The following GID4 variants were observed in gnomAD, a reference collection of about 807,000 sequenced individuals.
GID4 encodes glucose-induced degradation protein 4 homolog.
Under a neutral mutation model 32.4 loss-of-function variants are expected in GID4, and 7 were observed. That is an observed-to-expected ratio of 0.22 (90% CI 0.12 to 0.41). The LOEUF is 0.41. GID4 is among the 10% of genes least tolerant of loss of function. GID4 has a pLI of 1.00. For missense variants in GID4, 309 were observed against 400.0 expected (o/e 0.77, Z 1.94); for synonymous variants, 166 against 170.0 (o/e 0.98, Z 0.18).
chr17:18,057,977 C>T (rs904761515), intron 3 of GID4, among the ~76,000 whole-genome samples: 1 of 152,026 alleles, frequency 6.6e-6, no homozygotes, highest in Non-Finnish European at 1.5e-5. Context: ...GGACTACAGG[C>T]GACCACCACC....
chr17:18,041,562 T>C (rs1216133943), intron 1 of GID4, among the ~76,000 whole-genome samples: 1 of 147,548 alleles, frequency 6.8e-6, no homozygotes, highest in East Asian at 1.9e-4. Context: ...AGTGATCCTC[T>C]TCTTAAAATG....
rs187925419 is a variant in GID4, at chr17:18,054,595, T to C, written c.606+361T>C. On this transcript the variant is annotated intron_variant, in intron 3 of 5. Coordinates refer to ENST00000268719, the MANE Select transcript of GID4 (RefSeq NM_024052.5). ...TGCTTGGGGAAAACCCTGTGAAACA[T>C]GCAATGATGACCTCCGGCTTCGGGG... Among the ~76,000 whole-genome samples, 113 of 152,190 alleles carry C rather than the reference T, an allele frequency of 7.4e-4. 2 individuals are homozygous for C. The East Asian group carries it at 0.021, about 29-fold the overall frequency.
rs1452989447 is a variant in GID4 at position 18,067,478 on chromosome 17, G to T, written c.*2235G>T. 1 of 152,350 alleles carries T rather than the reference G, an allele frequency of 6.6e-6. No individual in the cohort carries two copies. The highest frequency in any genetic ancestry group is 1.5e-5 in the Non-Finnish European group (1 of 68,040). 9.4% of individuals were successfully genotyped at this position (152,350 alleles called of 1,614,324 possible). A position where few individuals can be genotyped will look rare whatever the true frequency, so the allele number is the denominator to read the frequency against. ...CACCCATTGTACTGGGAAGAATGAAGAGGTGATACCTTTACTAGATCCTTC... is the reference window on the plus strand; with the variant it reads ...CACCCATTGTACTGGGAAGAATGAATAGGTGATACCTTTACTAGATCCTTC... On this transcript the variant is annotated 3_prime_UTR_variant, in exon 6 of 6. Transcript: ENST00000268719.
At chr17:18,053,518 T>G (rs1271049388) in intron 2 of GID4, among the ~76,000 whole-genome samples, 1 of 151,708 alleles carries the variant, frequency 6.6e-6, no homozygotes, top group South Asian at 2.1e-4. Flanking sequence ...GAGGCTGAGG[T>G]AGGAGAATCA....
intron 5 of GID4, among the ~76,000 whole-genome samples, chr17:18,064,332 C>T (rs2045041860): frequency 6.6e-6 from 1 of 152,224 alleles, no homozygotes; most frequent in East Asian, 1.9e-4. Flanking sequence ...CACTTGTTAT[C>T]ATGTCTCTAT....
intron 1 of GID4, among the ~76,000 whole-genome samples, chr17:18,041,357 G>A (rs1457843571): frequency 6.6e-6 from 1 of 152,194 alleles, no homozygotes; most frequent in Non-Finnish European, 1.5e-5. Flanking sequence ...TCTGCTAACT[G>A]CGGAGCACTC....
intron 2 of GID4, among the ~76,000 whole-genome samples, chr17:18,051,504 C>T (rs922486640): frequency 2.6e-5 from 4 of 151,310 alleles, no homozygotes; most frequent in Non-Finnish European, 2.9e-5. Flanking sequence ...TGGTGAAACC[C>T]GTCTCTACTG....
intron 2 of GID4, among the ~76,000 whole-genome samples, chr17:18,049,224 T>A (rs2044885208): frequency 6.6e-6 from 1 of 151,158 alleles, no homozygotes; most frequent in Non-Finnish European, 1.5e-5. Flanking sequence ...TAATCCCAGC[T>A]ACTCAGGAGG....
rs201475170 is a variant in GID4, at chr17:18,062,014, G to C, written c.839+39G>C. ...AGGACAGAGGCCACGGGGAGGGCTT[G>C]CTGCCCAGCTGGCTCTCCCTTGGCT... On this transcript the variant is annotated intron_variant, in intron 5 of 5. Transcript: ENST00000268719. The C allele has an allele frequency of 3.7e-6, 6 of 1,605,162 alleles. No homozygotes were observed. In the African/African-American group the frequency reaches 4.0e-5, roughly 11 times the overall value.
chr17:18,050,115 A>G (rs1441322953), intron 2 of GID4, among the ~76,000 whole-genome samples: 1 of 152,130 alleles, frequency 6.6e-6, no homozygotes, highest in African/African-American at 2.4e-5. Flanking sequence ...CGTTTTCTTT[A>G]TCCAATCTGT....
In GID4 at chr17:18,066,032, A is replaced by C. The variant is rs2045058996; in HGVS notation, c.*789A>C. On this transcript the variant is annotated 3_prime_UTR_variant, in exon 6 of 6. Coordinates refer to ENST00000268719, the MANE Select transcript of GID4 (RefSeq NM_024052.5). ...TAAACTTAAAAATAAGAGTTTTTTTATTACAAAATTATTTTTATGGTCCCT... is the reference window on the plus strand; with the variant it reads ...TAAACTTAAAAATAAGAGTTTTTTTCTTACAAAATTATTTTTATGGTCCCT... 6.6e-6 allele frequency: 1 copy of C among 152,278 alleles called. No individual in the cohort carries two copies. The highest frequency in any genetic ancestry group is 2.4e-5 in the African/African-American group (1 of 41,468). The allele number at this position is 152,278 out of a possible 1,614,324, so 9.4% of individuals were successfully genotyped here. A position where few individuals can be genotyped will look rare whatever the true frequency, so the allele number is the denominator to read the frequency against.
chr17:18,068,097 C>T lies in GID4; in HGVS notation c.*2854C>T, dbSNP rs1309461369. Reference sequence around the variant, plus strand: ...AGAAACAGAGAATATAATATTCTCACTAAGGCCTTGAATTGATTTTTTTCT... The same window carrying T: ...AGAAACAGAGAATATAATATTCTCATTAAGGCCTTGAATTGATTTTTTTCT... On this transcript the variant is annotated 3_prime_UTR_variant, in exon 6 of 6. Coordinates refer to ENST00000268719, the MANE Select transcript of GID4 (RefSeq NM_024052.5). The T allele has an allele frequency of 2.6e-5, 4 of 152,544 alleles. No homozygotes were observed. Among genetic ancestry groups the T allele is most frequent in the African/African-American group, 4.8e-5 (2 of 41,412 alleles). 9.4% of individuals were successfully genotyped at this position (152,544 alleles called of 1,614,324 possible). A position where few individuals can be genotyped will look rare whatever the true frequency, so the allele number is the denominator to read the frequency against.
rs928591842 is a variant in GID4, at chr17:18,061,534, A to G, written c.709-311A>G. Among the ~76,000 whole-genome samples, 1 of 152,214 alleles carries G rather than the reference A, an allele frequency of 6.6e-6. No individual in the cohort carries two copies. The highest frequency in any genetic ancestry group is 1.5e-5 in the Non-Finnish European group (1 of 68,028). On this transcript the variant is annotated intron_variant, in intron 4 of 5. Coordinates refer to ENST00000268719, the MANE Select transcript of GID4 (RefSeq NM_024052.5). This position sits in a 1 kb window ranked among gnomAD's most constrained non-coding sequence, Gnocchi z 4.4. ...CTGAAAGATAGAGAGGCAGGCAGAC[A>G]GGCAGGTGAGTAGGTATTGATTTAT...
intron 1 of GID4, among the ~76,000 whole-genome samples, chr17:18,042,521 C>G (rs763709832): frequency 1.3e-5 from 2 of 152,178 alleles, no homozygotes; most frequent in Non-Finnish European, 2.9e-5. Flanking sequence ...TAACAATTGT[C>G]CATTGAATGG....
At chr17:18,056,706 A>G (rs1322703820) in intron 3 of GID4, 1 of 1,548,960 alleles carries the variant, frequency 6.5e-7, no homozygotes, top group Non-Finnish European at 8.7e-7. Flanking sequence ...CCGTTAGAAC[A>G]TTGGAAGATA....
At chr17:18,050,458 G>C (rs1209680878) in intron 2 of GID4, among the ~76,000 whole-genome samples, 1 of 152,230 alleles carries the variant, frequency 6.6e-6, no homozygotes, top group African/African-American at 2.4e-5. Flanking sequence ...AGCTTTCAGG[G>C]GTTACCTGGG....
At chr17:18,064,226 T>C (rs2142156186) in intron 5 of GID4, among the ~76,000 whole-genome samples, 1 of 152,302 alleles carries the variant, frequency 6.6e-6, no homozygotes, top group South Asian at 2.1e-4. Context: ...TATTTAACTT[T>C]ATGAGGAACT....
intron 3 of GID4, chr17:18,056,687 C>A (rs2044970543): frequency 6.5e-7 from 1 of 1,540,946 alleles, no homozygotes; most frequent in East Asian, 2.5e-5. Flanking sequence ...TTAATTTTCC[C>A]ATTGACTTCC....
chr17:18,055,119 C>T (rs1038804774), intron 3 of GID4, among the ~76,000 whole-genome samples: 9 of 148,406 alleles, frequency 6.1e-5, no homozygotes, highest in East Asian at 2.0e-4. Context: ...TGCAGTGAGC[C>T]GAGATTGTGC....
Sources: gnomAD v4.1 joint callset for allele counts (sites outside exome capture counted in the v4.1 genomes callset) on GRCh38, gnomAD v4.1.1 for gene constraint, Gnocchi (gnomAD v3.1) non-coding constraint, MANE v1.5 for transcripts, NCBI Gene and HGNC (gene_info 2026-07-23, HGNC 2026-07-21) for gene names.